Variants in PCDHA6 observed in about 807,000 individuals in gnomAD.
PCDHA6 encodes the protein protocadherin alpha 6.
In PCDHA6, 55 loss-of-function variants were observed where a neutral mutation model predicts 60.3. That is an observed-to-expected ratio of 0.91 (90% CI 0.73 to 1.14). PCDHA6 has a LOEUF of 1.14. Among genes scored for constraint, PCDHA6 ranks in the 50% most tolerant of loss-of-function variants. PCDHA6 has a pLI of 0.00. For missense variants in PCDHA6, 1,327 were observed against 1,256.5 expected (o/e 1.06, Z -0.85); for synonymous variants, 652 against 557.9 (o/e 1.17, Z -2.38).
rs145229632 is a variant in PCDHA6 at position 140,928,096 on chromosome 5, C to A, written c.2395-50853C>A. ...CTACTACAGCCTGCTGATTGATGGG[C>A]CCCTGGACCGGGAGCAGATCAGTGA... On this transcript the variant is annotated intron_variant, in intron 1 of 3. Coordinates refer to ENST00000529310, the MANE Select transcript of PCDHA6 (RefSeq NM_018909.4). 3.5e-5 allele frequency: 57 copies of A among 1,614,052 alleles called. No homozygotes were observed. In the African/African-American group the frequency reaches 6.8e-4, roughly 19 times the overall value.
chr5:141,006,405 C>A (rs782532612), intron 3 of PCDHA6, among the ~76,000 whole-genome samples: 1 of 151,798 alleles, frequency 6.6e-6, no homozygotes, highest in Non-Finnish European at 1.5e-5. Context: ...AGTAGAGACG[C>A]GGTTTCACTG....
chr5:140,835,624 AC>A (rs2150239679), intron 1 of PCDHA6: 1 of 1,613,722 alleles, frequency 6.2e-7, no homozygotes, highest in Admixed American at 1.7e-5. Flanking sequence ...AGCGCTCTGG[AC>A]CGCGAGAGTG....
At chr5:141,007,806 T>G (rs979059299) in intron 3 of PCDHA6, among the ~76,000 whole-genome samples, 12 of 152,220 alleles carry the variant, frequency 7.9e-5, no homozygotes, top group Non-Finnish European at 1.3e-4. Context: ...TATCTGCCAT[T>G]CATTTGCCTT....
intron 1 of PCDHA6, among the ~76,000 whole-genome samples, chr5:140,954,765 C>T (rs1305270750): frequency 6.6e-6 from 1 of 152,064 alleles, no homozygotes; most frequent in Non-Finnish European, 1.5e-5. Context: ...TGCAGAAGCT[C>T]TTTAATTTAA....
chr5:140,978,806 C>G (rs1554239758), intron 1 of PCDHA6, 143 bp from the exon 2 acceptor site: 2 of 1,492,474 alleles, frequency 1.3e-6, no homozygotes, highest in Non-Finnish European at 1.8e-6. Context: ...TAGATATCAT[C>G]ATAGAGTTAC....
chr5:140,979,898 G>A (rs1253481087), intron 2 of PCDHA6, among the ~76,000 whole-genome samples: 2 of 152,212 alleles, frequency 1.3e-5, no homozygotes, highest in Non-Finnish European at 1.5e-5. Context: ...ACCAAACTTA[G>A]ATCAGTTCGT....
At chr5:140,936,418 T>G (rs2090950050) in intron 1 of PCDHA6, among the ~76,000 whole-genome samples, 1 of 152,222 alleles carries the variant, frequency 6.6e-6, no homozygotes, top group African/African-American at 2.4e-5. Context: ...ATGTTACTAA[T>G]TTTAATTAAT....
intron 1 of PCDHA6, among the ~76,000 whole-genome samples, chr5:140,961,995 TG>T (rs2095649493): frequency 1.3e-5 from 2 of 152,062 alleles, no homozygotes; most frequent in African/African-American, 4.8e-5. Flanking sequence ...GCCATTGTCC[TG>T]CCTCAGCTTC....
chr5:140,982,265 G>A lies in PCDHA6; in HGVS notation c.2454-210G>A, dbSNP rs2096974278. ...ATAAAGATAGAACATGTGTGTTCCT[G>A]GAATAGTATAGCAGGCAATAAGTAA... On this transcript the variant is annotated intron_variant, in intron 2 of 3. Transcript: ENST00000529310. 7 of 870,768 alleles carry A rather than the reference G, an allele frequency of 8.0e-6. No individual in the cohort carries two copies. In the Admixed American group the frequency reaches 1.6e-4, roughly 20 times the overall value. 53.9% of individuals were successfully genotyped at this position (870,768 alleles called of 1,614,324 possible).
intron 1 of PCDHA6, chr5:140,966,731 G>A: frequency 7.1e-7 from 1 of 1,405,136 alleles, no homozygotes; most frequent in Non-Finnish European, 9.2e-7. Context: ...TGCCGCCTCC[G>A]GCCCTGCCCG....
chr5:140,836,235 G>T (rs1774308419), intron 1 of PCDHA6: 1 of 1,613,794 alleles, frequency 6.2e-7, no homozygotes, highest in Admixed American at 1.7e-5. Flanking sequence ...GGCGGCCGGT[G>T]CGAGCATCCC....
chr5:140,856,440 G>A, intron 1 of PCDHA6: 1 of 1,598,404 alleles, frequency 6.3e-7, no homozygotes, highest in Non-Finnish European at 8.6e-7. Context: ...AACCCGCCCA[G>A]GTTCTCCGTA....
chr5:140,843,262 G>C (rs2150356218), intron 1 of PCDHA6: 1 of 1,596,090 alleles, frequency 6.3e-7, no homozygotes, highest in South Asian at 1.1e-5. Context: ...GCCACCGTCT[G>C]CTGGTCCTGG....
At chr5:140,857,208 C>G (rs1554149670) in intron 1 of PCDHA6, 4 of 1,598,578 alleles carry the variant, frequency 2.5e-6, no homozygotes, top group Non-Finnish European at 3.4e-6. Flanking sequence ...GTCACCTGCT[C>G]TCTGACGCCT....
chr5:140,870,736 A>G lies in PCDHA6; in HGVS notation c.2394+40251A>G, dbSNP rs201357017. ...GCGCGATGCGGGCGTGCCGCCTCTG[A>G]GCAGCAACGTGACGCTGCAGGTGTT... On this transcript the variant is annotated intron_variant, in intron 1 of 3. Transcript: ENST00000529310. 8.7e-4 allele frequency: 1,399 copies of G among 1,613,426 alleles called. 10 individuals carry two copies. In the African/African-American group the frequency reaches 0.015, roughly 17 times the overall value.
At chr5:140,877,811 G>A in intron 1 of PCDHA6, 1 of 1,610,242 alleles carries the variant, frequency 6.2e-7, no homozygotes, top group Non-Finnish European at 8.5e-7. Context: ...CAGCTGTCTC[G>A]AGAAGATTGT....
At chr5:140,865,235 C>A (rs982582356) in intron 1 of PCDHA6, 2 of 152,098 alleles carry the variant, frequency 1.3e-5, no homozygotes, top group African/African-American at 4.8e-5. Flanking sequence ...CCAGAGAACA[C>A]GTATTTATAG....
chr5:140,882,164 C>T (rs2058984922), intron 1 of PCDHA6: 2 of 1,509,832 alleles, frequency 1.3e-6, no homozygotes. Flanking sequence ...ATACCTCTTG[C>T]GAATCCTTCC....
At chr5:140,869,296 C>G (rs782726122) in intron 1 of PCDHA6, 2 of 1,613,602 alleles carry the variant, frequency 1.2e-6, no homozygotes, top group South Asian at 1.1e-5. Flanking sequence ...GCGCCTGTTC[C>G]GGGTGGCGTC....
Sources: gnomAD v4.1 joint callset for allele counts (sites outside exome capture counted in the v4.1 genomes callset) on GRCh38, gnomAD v4.1.1 for gene constraint, MANE v1.5 for transcripts, NCBI Gene and HGNC (gene_info 2026-07-23, HGNC 2026-07-21) for gene names.